The following CD6 variants were observed in gnomAD, a reference collection of about 807,000 sequenced individuals.
CD6 encodes the protein T-cell differentiation antigen CD6.
In CD6, 53 loss-of-function variants were observed where a neutral mutation model predicts 75.3. The observed-to-expected ratio is 0.70, with a 90% CI of 0.56 to 0.88. The LOEUF (loss-of-function observed/expected upper bound fraction) is 0.88, where lower values mean the gene tolerates loss of function less well. Among genes scored for constraint, CD6 ranks in the 40% least tolerant of loss-of-function variants. The pLI, the probability that CD6 is intolerant of heterozygous loss-of-function variation, is 0.00. For synonymous variants in CD6, 359 were observed against 381.5 expected, an observed-to-expected ratio of 0.94 and a Z score of 0.69; for missense variants, 770 against 897.1, an observed-to-expected ratio of 0.86 and a Z score of 1.81.
chr11:60,979,558 C>T (rs1817611194), intron 1 of CD6, among the ~76,000 whole-genome samples: 1 of 152,050 alleles, frequency 6.6e-6, no homozygotes, highest in African/African-American at 2.4e-5. Context: ...CCTCCGCCTC[C>T]CAGGTTCAAG....
intron 1 of CD6, among the ~76,000 whole-genome samples, chr11:60,991,806 A>G (rs1376668879): frequency 6.6e-6 from 1 of 150,860 alleles, no homozygotes; most frequent in Non-Finnish European, 1.5e-5. Context: ...AGTAGCTAGA[A>G]TTACAAGCAT....
intron 1 of CD6, among the ~76,000 whole-genome samples, chr11:60,995,410 G>A (rs1327153612): frequency 1.3e-5 from 2 of 152,168 alleles, no homozygotes; most frequent in Non-Finnish European, 2.9e-5. Flanking sequence ...CTCTCAAAGT[G>A]CTGGGATTAC....
intron 12 of CD6, 87 bp downstream of exon 12, chr11:61,018,480 C>CAAGGGGAAAAGGTGAAAGG: frequency 1.1e-6 from 1 of 887,094 alleles, no homozygotes; most frequent in Non-Finnish European, 1.7e-6. Context: ...TGCATTCGCT[C>CAAGGGGAAAAGGTGAAAGG]AAGGGGAAAA....
chr11:60,994,338 G>A (rs939785173), intron 1 of CD6, among the ~76,000 whole-genome samples: 1 of 150,836 alleles, frequency 6.6e-6, no homozygotes, highest in Non-Finnish European at 1.5e-5. Context: ...CTACTCAGGA[G>A]GCTGAGGCAG....
At chr11:61,006,664 G>C in intron 2 of CD6, 22 bp downstream of exon 2, 1 of 1,590,496 alleles carries the variant, frequency 6.3e-7, no homozygotes, top group South Asian at 1.1e-5. Context: ...TTCCCTCTGG[G>C]GGTCCATGAT....
Position 61,009,678 on chromosome 11 carries a change from A to G in CD6, c.888A>G (p.Pro296=), listed in dbSNP as rs765158654. Reference sequence around the variant, plus strand: ...CAGTGTGTGACAGTGAGTGGTACCCATCGGAGGCCAAGGTGCTCTGCCAGT... The same window carrying G: ...CAGTGTGTGACAGTGAGTGGTACCCGTCGGAGGCCAAGGTGCTCTGCCAGT... ...WNTVCDSEWY[P]SEAKVLCQSL... Residue 296 remains proline, a synonymous_variant, in exon 5 of 13, where the codon CCA becomes CCG. Transcript: ENST00000313421. The G allele has an allele frequency of 1.2e-6, 2 of 1,614,070 alleles. No homozygotes were observed. The highest frequency in any genetic ancestry group is 1.7e-6 in the Non-Finnish European group (2 of 1,180,008).
At chr11:60,999,919 G>A (rs1441300090) in intron 1 of CD6, among the ~76,000 whole-genome samples, 1 of 151,970 alleles carries the variant, frequency 6.6e-6, no homozygotes, top group Non-Finnish European at 1.5e-5. Flanking sequence ...CAGGCATGGT[G>A]GCAGGCGCCT....
At position 61,013,918 on chromosome 11, in the gene CD6, G is replaced by A. The variant is rs10897135; in HGVS notation, c.1292-1G>A. On this transcript the variant is annotated splice_acceptor_variant, in intron 7 of 12. Coordinates refer to ENST00000313421, the MANE Select transcript of CD6 (RefSeq NM_006725.5). LOFTEE classifies it high-confidence loss of function. The stretch of plus-strand genomic sequence containing the variant: ...TAGAATTTCTGCCTCCCCTCCCTCA[G>A]CCCTCCCCGTAATGGTGAACCACCA... 2.5e-6 allele frequency: 4 copies of A among 1,603,850 alleles called. No homozygotes were observed. The highest frequency in any genetic ancestry group is 2.6e-6 in the Non-Finnish European group (3 of 1,174,776).
At chr11:60,984,803 G>A (rs953192078) in intron 1 of CD6, among the ~76,000 whole-genome samples, 19 of 152,198 alleles carry the variant, frequency 1.2e-4, no homozygotes, top group Admixed American at 7.9e-4. Context: ...GGACATTCCC[G>A]TCAGGGGGAG....
At chr11:60,987,611 A>AGGT (rs1857876744) in intron 1 of CD6, among the ~76,000 whole-genome samples, 1 of 151,920 alleles carries the variant, frequency 6.6e-6, no homozygotes, top group Non-Finnish European at 1.5e-5. Context: ...ATGGAGAAAG[A>AGGT]GGTGGGTCAC....
chr11:61,010,795 G>T (rs1404462732), intron 5 of CD6, among the ~76,000 whole-genome samples: 1 of 152,168 alleles, frequency 6.6e-6, no homozygotes, highest in Non-Finnish European at 1.5e-5. Context: ...AAACGGATTT[G>T]TGGTCTGTAG....
At chr11:60,997,032 T>C (rs1858334156) in intron 1 of CD6, among the ~76,000 whole-genome samples, 1 of 152,144 alleles carries the variant, frequency 6.6e-6, no homozygotes, top group Admixed American at 6.5e-5. Flanking sequence ...CATAGGTACC[T>C]TCCCCCCATA....
At chr11:61,009,899 C>CA in intron 5 of CD6, 25 bp downstream of exon 5, 2 of 1,520,716 alleles carry the variant, frequency 1.3e-6, no homozygotes, top group South Asian at 1.3e-5. Flanking sequence ...TCCACCCCCC[C>CA]AGATTTGAGC....
At chr11:61,005,621 T>C (rs1858810695) in intron 1 of CD6, among the ~76,000 whole-genome samples, 1 of 152,226 alleles carries the variant, frequency 6.6e-6, no homozygotes, top group Admixed American at 6.5e-5. Flanking sequence ...AACACCTGCC[T>C]CATTGCATTG....
At chr11:61,014,305 C>T (rs1307903063) in intron 8 of CD6, among the ~76,000 whole-genome samples, 1 of 152,226 alleles carries the variant, frequency 6.6e-6, no homozygotes, top group African/African-American at 2.4e-5. Context: ...CTCTGTTCTG[C>T]TTTGCTCTGC....
At position 61,008,722 on chromosome 11, in the gene CD6, C is replaced by T; in HGVS notation, c.658C>T (p.Arg220Cys). 2 of 1,608,356 alleles carry T rather than the reference C, an allele frequency of 1.2e-6. No individual in the cohort carries two copies. The highest frequency in any genetic ancestry group is 8.5e-7 in the Non-Finnish European group (1 of 1,177,840). Residue 220 changes from arginine (R) to cysteine (C), a missense_variant, in exon 4 of 13, where the codon CGC (arginine) becomes TGC (cysteine). By Grantham distance (180) the Arg-to-Cys change is radical (BLOSUM62 -3). Transcript: ENST00000313421. ...ALPGLHFTPG[R>C]GPIHRDQVNC... ...GCCCGGCTTGCACTTCACGCCCGGC[C>T]GCGGGCCTATCCACCGGGACCAGGT...
intron 3 of CD6, chr11:61,008,221 C>T (rs1442707150): frequency 4.4e-6 from 2 of 452,130 alleles, no homozygotes; most frequent in Non-Finnish European, 7.8e-6. Flanking sequence ...TCCCCGCCCG[C>T]TCTGGGTCTC....
intron 1 of CD6, among the ~76,000 whole-genome samples, chr11:60,981,505 A>C (rs905177003): frequency 6.6e-6 from 1 of 152,210 alleles, no homozygotes. Flanking sequence ...CTCCTCCTTC[A>C]GGCTGAGTGG....
At position 61,008,531 on chromosome 11, in the gene CD6, T is replaced by C; in HGVS notation, c.470-3T>C. On this transcript the variant is annotated splice_region_variant and splice_polypyrimidine_tract_variant and intron_variant, in intron 3 of 12. Coordinates refer to ENST00000313421, the MANE Select transcript of CD6 (RefSeq NM_006725.5). ...AGCATCCACAACCCCCTCCCACCCC[T>C]AGAGAACCGCGCGCTGCGCCTGGTG... 1.3e-6 allele frequency: 2 copies of C among 1,589,272 alleles called. No individual in the cohort carries two copies. Among genetic ancestry groups the C allele is most frequent in the Non-Finnish European group, 8.6e-7 (1 of 1,167,250 alleles).
Sources: allele counts gnomAD v4.1 joint callset (sites outside exome capture counted in the v4.1 genomes callset), GRCh38; gene constraint gnomAD v4.1.1; transcripts MANE v1.5; gene names NCBI Gene and HGNC (gene_info 2026-07-23, HGNC 2026-07-21).